RPH3A: variants seen among roughly 807,000 people sequenced by gnomAD.
RPH3A encodes the protein rabphilin-3A.
A neutral mutation model predicts 102.2 loss-of-function variants in RPH3A; 48 were observed. The ratio of observed to expected loss-of-function variants is 0.47; its 90% confidence interval spans 0.37 to 0.60. The LOEUF (loss-of-function observed/expected upper bound fraction) is 0.60. Ranked by LOEUF, RPH3A falls within the 20% of genes least tolerant of loss-of-function variation. The pLI is 0.00. For missense variants in RPH3A, 781 were observed against 910.1 expected (o/e 0.86, Z 1.83); for synonymous variants, 310 against 324.3 (o/e 0.96, Z 0.47).
At chr12:112,810,611 G>A (rs1302861836) in intron 2 of RPH3A, among the ~76,000 whole-genome samples, 2 of 152,156 alleles carry the variant, frequency 1.3e-5, no homozygotes, top group Admixed American at 6.5e-5. Flanking sequence ...GAACCAGGTC[G>A]AAATGTACCG....
At chr12:112,634,220 C>T (rs1479650215) in intron 1 of RPH3A, among the ~76,000 whole-genome samples, 3 of 92,002 alleles carry the variant, frequency 3.3e-5, no homozygotes, top group East Asian at 3.5e-4. Flanking sequence ...TAGTGGCGGG[C>T]GCCTGTAGTC....
intron 1 of RPH3A, among the ~76,000 whole-genome samples, chr12:112,586,971 C>T (rs2039443930): frequency 6.6e-6 from 1 of 152,154 alleles, no homozygotes; most frequent in Non-Finnish European, 1.5e-5. Context: ...TGGCCACTTG[C>T]TAGTTGTCTC....
chr12:112,864,281 T>C (rs1264733372), intron 5 of RPH3A, among the ~76,000 whole-genome samples: 1 of 151,988 alleles, frequency 6.6e-6, no homozygotes, highest in Non-Finnish European at 1.5e-5. Context: ...TGAAACCCAG[T>C]CTCTACTAAA....
chr12:112,713,042 T>TCTTCTC (rs1565857418), intron 1 of RPH3A, among the ~76,000 whole-genome samples: 1 of 85,116 alleles, frequency 1.2e-5, no homozygotes, highest in African/African-American at 5.8e-5. Context: ...TTCTTCTTCT[T>TCTTCTC]CTTCTTCTCC....
chr12:112,637,921 C>A (rs2039859521), intron 1 of RPH3A, among the ~76,000 whole-genome samples: 1 of 151,368 alleles, frequency 6.6e-6, no homozygotes, highest in South Asian at 2.1e-4. Context: ...CATAATATTT[C>A]CTGGGCAGAT....
intron 2 of RPH3A, among the ~76,000 whole-genome samples, chr12:112,797,997 T>C (rs1934463568): frequency 6.6e-6 from 1 of 152,218 alleles, no homozygotes; most frequent in South Asian, 2.1e-4. Flanking sequence ...CCAAAAGTGA[T>C]TCTTCTTAGC....
At chr12:112,744,717 G>T (rs534510206) in intron 1 of RPH3A, among the ~76,000 whole-genome samples, 1 of 152,246 alleles carries the variant, frequency 6.6e-6, no homozygotes, top group Non-Finnish European at 1.5e-5. Flanking sequence ...GAGTCAAGGG[G>T]GTTGACAAGG....
intron 1 of RPH3A, among the ~76,000 whole-genome samples, chr12:112,740,789 C>T (rs913802269): frequency 2.0e-5 from 3 of 152,196 alleles, no homozygotes; most frequent in African/African-American, 4.8e-5. Context: ...TCATGATTTT[C>T]GAGACCTTGA....
chr12:112,783,193 G>A lies in RPH3A; in HGVS notation c.-139-8950G>A, dbSNP rs142503653. On this transcript the variant is annotated intron_variant, in intron 1 of 21. Transcript: ENST00000543106. ...ATCTGTCGTGTCACGTTAGGATTACGTAAGTGTGAGGCTGAGAAATCTCCT... is the reference window on the plus strand; with the variant it reads ...ATCTGTCGTGTCACGTTAGGATTACATAAGTGTGAGGCTGAGAAATCTCCT... Among the ~76,000 whole-genome samples the A allele has an allele frequency of 1.6e-3, 238 of 152,238 alleles. 1 individual carries two copies. The highest frequency in any genetic ancestry group is 4.8e-3 in the African/African-American group (201 of 41,554).
intron 16 of RPH3A, among the ~76,000 whole-genome samples, chr12:112,885,850 T>G (rs973448211): frequency 2.3e-4 from 35 of 152,354 alleles, no homozygotes; most frequent in South Asian, 6.2e-4. Flanking sequence ...ATATTAGATC[T>G]CATTTATTCC....
chr12:112,673,220 G>A (rs1350798407), intron 1 of RPH3A, among the ~76,000 whole-genome samples: 3 of 152,130 alleles, frequency 2.0e-5, no homozygotes, highest in East Asian at 1.9e-4. Flanking sequence ...CAAACACTTT[G>A]TTGTTCTCTC....
chr12:112,795,522 A>C (rs2041212047), intron 2 of RPH3A, among the ~76,000 whole-genome samples: 1 of 152,128 alleles, frequency 6.6e-6, no homozygotes, highest in Non-Finnish European at 1.5e-5. Context: ...TACCTTCTTA[A>C]CCAGCCAGGG....
chr12:112,827,480 G>A (rs578214499), intron 2 of RPH3A, among the ~76,000 whole-genome samples: 218 of 152,258 alleles, frequency 1.4e-3, no homozygotes, highest in Non-Finnish European at 2.5e-3. Flanking sequence ...TTTCTACTTT[G>A]TGGTTATTAT....
At chr12:112,718,596 T>C (rs1171408680) in intron 1 of RPH3A, among the ~76,000 whole-genome samples, 1 of 152,200 alleles carries the variant, frequency 6.6e-6, no homozygotes, top group Non-Finnish European at 1.5e-5. Flanking sequence ...TTTCCTTCAG[T>C]TGAGAACTAT....
chr12:112,816,259 A>G (rs2041670183), intron 2 of RPH3A, among the ~76,000 whole-genome samples: 1 of 152,208 alleles, frequency 6.6e-6, no homozygotes, highest in South Asian at 2.1e-4. Context: ...GGGTCATGTA[A>G]GATCCTGTTT....
At chr12:112,749,470 G>A (rs372456383) in intron 1 of RPH3A, among the ~76,000 whole-genome samples, 7 of 152,202 alleles carry the variant, frequency 4.6e-5, no homozygotes, top group South Asian at 2.1e-4. Flanking sequence ...TCTACTCTCC[G>A]ACTCTCAGAA....
At chr12:112,773,470 T>A (rs994215854) in intron 1 of RPH3A, among the ~76,000 whole-genome samples, 1 of 152,164 alleles carries the variant, frequency 6.6e-6, no homozygotes, top group African/African-American at 2.4e-5. Context: ...TTCAGCAATG[T>A]CATCTTTTTT....
intron 1 of RPH3A, among the ~76,000 whole-genome samples, chr12:112,781,465 C>T (rs1371350889): frequency 2.6e-5 from 4 of 152,186 alleles, no homozygotes; most frequent in African/African-American, 9.6e-5. Context: ...CCATCACTTC[C>T]CATTTTTTTG....
intron 1 of RPH3A, among the ~76,000 whole-genome samples, chr12:112,747,679 C>T (rs529620614): frequency 6.6e-6 from 1 of 152,326 alleles, no homozygotes; most frequent in South Asian, 2.1e-4. Context: ...CCCCATAGCA[C>T]CCTGCCCTAC....
Sources: gnomAD v4.1 joint callset for allele counts (sites outside exome capture counted in the v4.1 genomes callset) on GRCh38, gnomAD v4.1.1 for gene constraint, MANE v1.5 for transcripts, NCBI Gene and HGNC (gene_info 2026-07-23, HGNC 2026-07-21) for gene names.